Variants in DOCK3 observed in about 807,000 individuals in gnomAD.
DOCK3 encodes the protein dedicator of cytokinesis 3, also known as dedicator of cytokinesis protein 3.
In DOCK3, 60 loss-of-function variants were observed where a neutral mutation model predicts 265.6. That is an observed-to-expected ratio of 0.23 (90% confidence interval 0.18 to 0.28). The LOEUF is 0.28. Among genes scored for constraint, DOCK3 ranks in the 10% least tolerant of loss-of-function variants. DOCK3 has a pLI of 1.00. For missense variants in DOCK3, 1,981 were observed against 2,594.3 expected (o/e 0.76, Z 5.14); for synonymous variants, 881 against 938.0 (o/e 0.94, Z 1.11).
chr3:50,699,076 C>T (rs2035855661), intron 1 of DOCK3, among the ~76,000 whole-genome samples: 3 of 152,082 alleles, frequency 2.0e-5, no homozygotes, highest in Admixed American at 6.5e-5. Flanking sequence ...TTATCCATTT[C>T]GAGTTAATTT....
chr3:50,687,707 T>G (rs1436887973), intron 1 of DOCK3, among the ~76,000 whole-genome samples: 4 of 152,246 alleles, frequency 2.6e-5, no homozygotes, highest in African/African-American at 9.6e-5. Context: ...CATTCTGAAG[T>G]GACCTCTTTG....
chr3:51,029,716 A>G (rs997171950), intron 5 of DOCK3, among the ~76,000 whole-genome samples: 12 of 152,142 alleles, frequency 7.9e-5, no homozygotes, highest in Admixed American at 2.6e-4. Context: ...TGGGGATCCA[A>G]CAGTCCCTCA....
chr3:50,815,434 A>G (rs1011756527), intron 2 of DOCK3, among the ~76,000 whole-genome samples: 2 of 152,150 alleles, frequency 1.3e-5, no homozygotes, highest in Admixed American at 1.3e-4. Flanking sequence ...AGACCATACA[A>G]ATGTTTGGGA....
chr3:51,275,211 T>G lies in DOCK3; in HGVS notation c.2676+5T>G. ...ATCGTCAAGACCAGCTCTCTGGTAG[T>G]GGCCCCACACCCACTCCACCCTGTT... On this transcript the variant is annotated splice_donor_5th_base_variant and intron_variant, in intron 25 of 52. Coordinates refer to ENST00000266037, the MANE Select transcript of DOCK3 (RefSeq NM_004947.5). 6.2e-7 allele frequency: 1 copy of G among 1,613,880 alleles called. No homozygotes were observed. The highest frequency in any genetic ancestry group is 8.5e-7 in the Non-Finnish European group (1 of 1,179,874).
chr3:51,278,691 T>G (rs1440623649), intron 26 of DOCK3, among the ~76,000 whole-genome samples: 3 of 152,186 alleles, frequency 2.0e-5, no homozygotes, highest in African/African-American at 7.2e-5. Context: ...CAGTGCTTGC[T>G]GTGGGCCAGA....
intron 4 of DOCK3, among the ~76,000 whole-genome samples, chr3:50,905,950 T>C (rs1005330335): frequency 6.6e-6 from 1 of 152,042 alleles, no homozygotes; most frequent in Non-Finnish European, 1.5e-5. Context: ...AATACCTAAT[T>C]TATTGAGAGT....
At chr3:51,126,883 A>G (rs1286905680) in intron 9 of DOCK3, among the ~76,000 whole-genome samples, 1 of 152,092 alleles carries the variant, frequency 6.6e-6, no homozygotes, top group African/African-American at 2.4e-5. Context: ...CCTAGTATCC[A>G]TTAGTTATTT....
At chr3:50,878,481 A>G (rs972269923) in intron 3 of DOCK3, among the ~76,000 whole-genome samples, 4 of 152,244 alleles carry the variant, frequency 2.6e-5, no homozygotes, top group African/African-American at 9.6e-5. Flanking sequence ...GATGTGACGC[A>G]TGCACAAGCT....
In DOCK3 at chr3:51,381,127, C is replaced by G. The variant is rs1553618423; in HGVS notation, c.5661C>G (p.Gly1887=). 1.2e-6 allele frequency: 2 copies of G among 1,613,894 alleles called. No homozygotes were observed. Among genetic ancestry groups the G allele is most frequent in the Non-Finnish European group, 1.7e-6 (2 of 1,179,860 alleles). ...GLDGSNSTLS[G]SASSGVSSLS... ...ACGGCAGCAACTCTACGCTGTCCGG[C>G]AGTGCCAGCAGCGGCGTGTCCTCCT... Residue 1887 remains glycine (G), a synonymous_variant, in exon 53 of 53, where the codon GGC becomes GGG. Coordinates refer to ENST00000266037, the MANE Select transcript of DOCK3 (RefSeq NM_004947.5). This position sits in a 1 kb window ranked among gnomAD's most constrained non-coding sequence, Gnocchi z 5.6.
intron 7 of DOCK3, among the ~76,000 whole-genome samples, chr3:51,079,453 C>G (rs2082154827): frequency 6.6e-6 from 1 of 152,102 alleles, no homozygotes; most frequent in Admixed American, 6.6e-5. Context: ...CCACCTTAAC[C>G]TCCTAAGTAG....
chr3:51,030,547 CTG>C (rs2080007706), intron 5 of DOCK3, among the ~76,000 whole-genome samples: 1 of 152,154 alleles, frequency 6.6e-6, no homozygotes, highest in Non-Finnish European at 1.5e-5. Flanking sequence ...AGGTTGTTTA[CTG>C]TGTGTTGTTT....
intron 5 of DOCK3, among the ~76,000 whole-genome samples, chr3:50,940,422 G>A (rs1447809669): frequency 2.6e-5 from 4 of 152,022 alleles, no homozygotes; most frequent in African/African-American, 9.7e-5. Context: ...TGGAGAGGCA[G>A]TATGCTCACG....
intron 9 of DOCK3, among the ~76,000 whole-genome samples, chr3:51,135,925 T>C (rs1226876979): frequency 6.6e-6 from 1 of 152,056 alleles, no homozygotes; most frequent in Admixed American, 6.5e-5. Flanking sequence ...TCCAAAGCTG[T>C]TCTTGAACTC....
At chr3:51,368,387 A>G (rs2087410878) in intron 49 of DOCK3, among the ~76,000 whole-genome samples, 1 of 152,194 alleles carries the variant, frequency 6.6e-6, no homozygotes, top group African/African-American at 2.4e-5. Context: ...GCCTTAGCAA[A>G]GGGCTCACCA....
chr3:50,842,928 A>C (rs1267379341), intron 3 of DOCK3, among the ~76,000 whole-genome samples: 1 of 152,172 alleles, frequency 6.6e-6, no homozygotes, highest in Admixed American at 6.5e-5. Context: ...TTATTTTAGT[A>C]ATATTTGTGG....
chr3:50,989,681 A>G (rs1427080079), intron 5 of DOCK3, among the ~76,000 whole-genome samples: 2 of 152,246 alleles, frequency 1.3e-5, no homozygotes, highest in Non-Finnish European at 2.9e-5. Context: ...AGTTAAAGGA[A>G]CACCCACATG....
chr3:51,289,495 G>T (rs956499916), intron 27 of DOCK3, among the ~76,000 whole-genome samples: 1 of 152,126 alleles, frequency 6.6e-6, no homozygotes, highest in East Asian at 1.9e-4. Flanking sequence ...AATACAGGAA[G>T]AAAAGAACAA....
intron 1 of DOCK3, among the ~76,000 whole-genome samples, chr3:50,701,056 T>G (rs1403378314): frequency 2.0e-5 from 3 of 152,194 alleles, no homozygotes; most frequent in Non-Finnish European, 2.9e-5. Context: ...TGTTGAGCAT[T>G]TTTTCATACG....
intron 2 of DOCK3, chr3:50,787,863 A>G: frequency 9.2e-7 from 1 of 1,086,536 alleles, no homozygotes. Flanking sequence ...TTGGATTGAG[A>G]AGAGGTACCC....
Sources: allele counts gnomAD v4.1 joint callset (sites outside exome capture counted in the v4.1 genomes callset), GRCh38; gene constraint gnomAD v4.1.1; non-coding constraint Gnocchi (gnomAD v3.1); transcripts MANE v1.5; gene names NCBI Gene and HGNC (gene_info 2026-07-23, HGNC 2026-07-21).